DNM3: variants seen among roughly 807,000 people sequenced by gnomAD.
The protein encoded by DNM3 is dynamin 3, also known as dynamin-3.
Under a neutral mutation model 101.6 loss-of-function variants are expected in DNM3, and 47 were observed. That is an observed-to-expected ratio of 0.46 (90% CI 0.37 to 0.59). The LOEUF is 0.59. DNM3 is among the 20% of genes least tolerant of loss of function. DNM3 has a pLI of 0.00. For missense variants in DNM3, 849 were observed against 1,085.7 expected (o/e 0.78, Z 3.06); for synonymous variants, 385 against 387.9 (o/e 0.99, Z 0.09).
intron 1 of DNM3, among the ~76,000 whole-genome samples, chr1:171,892,508 G>A (rs989418132): frequency 6.6e-6 from 1 of 152,172 alleles, no homozygotes; most frequent in Non-Finnish European, 1.5e-5. Context: ...TTAGACTGAT[G>A]TCTCCAATTC....
chr1:172,407,781 AC>A lies in DNM3; in HGVS notation c.2537del (p.Pro846HisfsTer8), dbSNP rs1309587033. The A allele has an allele frequency of 6.2e-7, 1 of 1,613,040 alleles. No homozygotes were observed. On this transcript the variant is annotated frameshift_variant, in exon 21 of 21. Transcript: ENST00000627582. LOFTEE classifies it high-confidence loss of function. ...APPSVPSRRP[P>X]PSPTRPTIIR... The stretch of plus-strand genomic sequence containing the variant: ...CTTTTTCTCTTTCTAGCCGGAGACC[AC>A]CCCCATCACCAACTCGTCCCACTAT...
At chr1:171,906,052 C>T (rs943579837) in intron 1 of DNM3, among the ~76,000 whole-genome samples, 17 of 151,128 alleles carry the variant, frequency 1.1e-4, no homozygotes, top group Admixed American at 2.6e-4. Context: ...TTGTTGCTTT[C>T]AAAGGTTTGC....
Position 172,412,420 on chromosome 1 carries a change from TTGTC to T in DNM3, c.*4581_*4584del, listed in dbSNP as rs2071261855. On this transcript the variant is annotated 3_prime_UTR_variant, in exon 21 of 21. Transcript: ENST00000627582. ...CATGTACAGCCTTTGTTTTGCTTGC[TTGTC>T]TATTTTTACTTTCCCTTTTTTGGGT... 1.0e-6 allele frequency: 1 copy of T among 985,868 alleles called. No individual in the cohort carries two copies. The highest frequency in any genetic ancestry group is 1.2e-6 in the Non-Finnish European group (1 of 829,928). 61.1% of individuals were successfully genotyped at this position (985,868 alleles called of 1,614,324 possible).
intron 15 of DNM3, among the ~76,000 whole-genome samples, chr1:172,304,246 G>A (rs1292568895): frequency 4.8e-5 from 6 of 125,840 alleles, no homozygotes; most frequent in Admixed American, 3.9e-4. Context: ...CCTAGTCTCT[G>A]ATAAAACAGA....
chr1:171,970,812 A>T (rs17472925), intron 2 of DNM3, among the ~76,000 whole-genome samples: 22,506 of 148,756 alleles, frequency 0.15, 2,206 homozygotes, highest in South Asian at 0.26. Flanking sequence ...GGATTTTTTT[A>T]AAATTTCTTC....
intron 14 of DNM3, among the ~76,000 whole-genome samples, chr1:172,165,038 T>C (rs372114687): frequency 8.5e-5 from 13 of 152,180 alleles, no homozygotes; most frequent in African/African-American, 2.4e-4. Flanking sequence ...AAGAGTACAA[T>C]GTAGTCTGGA....
chr1:171,909,625 C>T (rs557181502), intron 1 of DNM3, among the ~76,000 whole-genome samples: 2 of 152,230 alleles, frequency 1.3e-5, no homozygotes, highest in African/African-American at 4.8e-5. Flanking sequence ...TTCCATACCA[C>T]CTCTTCTCTC....
intron 14 of DNM3, among the ~76,000 whole-genome samples, chr1:172,218,494 A>C (rs1372501283): frequency 6.6e-6 from 1 of 152,136 alleles, no homozygotes; most frequent in Non-Finnish European, 1.5e-5. Flanking sequence ...TTTTGTTGGC[A>C]TATCTGATTT....
chr1:172,144,187 TAA>T (rs34952786), intron 14 of DNM3, among the ~76,000 whole-genome samples: 107 of 141,928 alleles, frequency 7.5e-4, no homozygotes, highest in Admixed American at 2.1e-3. Flanking sequence ...TCTTCAGAAA[TAA>T]AAAAAAAAAA....
At chr1:171,937,516 C>T (rs74126545) in intron 2 of DNM3, among the ~76,000 whole-genome samples, 4,839 of 152,150 alleles carry the variant, frequency 0.032, 250 homozygotes, top group African/African-American at 0.11. Flanking sequence ...TGGACATCAC[C>T]CCTGGGAGGT....
intron 20 of DNM3, among the ~76,000 whole-genome samples, chr1:172,391,812 C>T (rs2069552619): frequency 1.3e-5 from 2 of 152,082 alleles, no homozygotes; most frequent in South Asian, 4.1e-4. Flanking sequence ...AAAGGTGTCC[C>T]GCCAGCTCCC....
intron 15 of DNM3, among the ~76,000 whole-genome samples, chr1:172,299,626 C>T (rs1189409417): frequency 6.6e-6 from 1 of 152,072 alleles, no homozygotes; most frequent in African/African-American, 2.4e-5. Flanking sequence ...TAAGTGAGAA[C>T]ATGCAGTATT....
chr1:172,132,085 T>C (rs1405671739), intron 14 of DNM3, among the ~76,000 whole-genome samples: 1 of 152,184 alleles, frequency 6.6e-6, no homozygotes, highest in Non-Finnish European at 1.5e-5. Context: ...TAATGCGGCA[T>C]GCAAACATTA....
chr1:172,009,160 A>T (rs1218559159), intron 4 of DNM3, among the ~76,000 whole-genome samples: 2 of 139,866 alleles, frequency 1.4e-5, no homozygotes, highest in Non-Finnish European at 1.5e-5. Flanking sequence ...TATGATATAT[A>T]ATATTATATA....
chr1:172,108,025 C>G (rs1410873349), intron 13 of DNM3, among the ~76,000 whole-genome samples: 1 of 151,752 alleles, frequency 6.6e-6, no homozygotes, highest in East Asian at 1.9e-4. Context: ...ACCTTCTGGT[C>G]TCCATTCTCA....
downstream of DNM3, among the ~76,000 whole-genome samples, chr1:172,413,825 A>G (rs10798005): frequency 0.45 from 68,828 of 152,056 alleles, 18,723 homozygotes; most frequent in East Asian, 0.63. Flanking sequence ...TTTCTTTTTC[A>G]TATCTATACA....
intron 4 of DNM3, among the ~76,000 whole-genome samples, chr1:172,007,745 T>C (rs2046791913): frequency 1.3e-5 from 2 of 151,982 alleles, no homozygotes. Flanking sequence ...TCTAGAAATT[T>C]TGTAGTTTTA....
intron 13 of DNM3, among the ~76,000 whole-genome samples, chr1:172,106,847 CTTTTTTTTTTT>C (rs1165611083): frequency 1.5e-5 from 1 of 67,958 alleles, no homozygotes; most frequent in Non-Finnish European, 2.5e-5. Context: ...TAACATTATT[CTTTTTTTTTTT>C]TTTTTTTTTT....
chr1:172,412,916 C>A (rs1447977007), downstream of DNM3, among the ~76,000 whole-genome samples: 1 of 152,074 alleles, frequency 6.6e-6, no homozygotes, highest in Non-Finnish European at 1.5e-5. Context: ...AAATCAAAGG[C>A]AGGAGAGTGG....
Sources: allele counts gnomAD v4.1 joint callset (sites outside exome capture counted in the v4.1 genomes callset), GRCh38; gene constraint gnomAD v4.1.1; transcripts MANE v1.5; gene names NCBI Gene and HGNC (gene_info 2026-07-23, HGNC 2026-07-21).